SLC24A5: variants seen among roughly 807,000 people sequenced by gnomAD.
SLC24A5 encodes sodium/potassium/calcium exchanger 5.
Under a neutral mutation model 51.6 loss-of-function variants are expected in SLC24A5, and 46 were observed. The observed-to-expected ratio is 0.89, with a 90% CI of 0.70 to 1.14. SLC24A5 has a LOEUF of 1.14. Ranked by LOEUF, SLC24A5 falls within the 50% of genes most tolerant of loss-of-function variation. The probability of loss-of-function intolerance (pLI) is 0.00; values close to 1 mark genes in which losing one functional copy is unlikely to be tolerated. For synonymous variants in SLC24A5, 230 were observed against 214.9 expected, an observed-to-expected ratio of 1.07 and a Z score of -0.62; for missense variants, 581 against 604.1, an observed-to-expected ratio of 0.96 and a Z score of 0.40.
chr15:48,121,208 C>A, intron 1 of SLC24A5, 43 bp downstream of exon 1: 1 of 1,557,398 alleles, frequency 6.4e-7, no homozygotes, highest in Non-Finnish European at 8.7e-7. Flanking sequence ...GCAGCAGCTG[C>A]TGCTGCTGCT....
At position 48,136,710 on chromosome 15, in the gene SLC24A5, A is replaced by T; in HGVS notation, c.618A>T (p.Ile206=). The stretch of plus-strand genomic sequence containing the variant: ...ATGAAGGGGCTTTACTGCTTTTGAT[A>T]TATGGATTGTATGTTTTGGTGCTGT... The part of the protein sequence containing the change: ...YWYEGALLLL[I]YGLYVLVLCF... The change falls in exon 6 of 9, where the codon ATA becomes ATT. Residue 206 remains isoleucine (I), a synonymous_variant. Coordinates refer to ENST00000341459, the MANE Select transcript of SLC24A5 (RefSeq NM_205850.3). 6.2e-7 allele frequency: 1 copy of T among 1,612,304 alleles called. No homozygotes were observed. Among genetic ancestry groups the T allele is most frequent in the Non-Finnish European group, 8.5e-7 (1 of 1,179,084 alleles).
At chr15:48,133,357 A>G (rs571690240) in intron 2 of SLC24A5, among the ~76,000 whole-genome samples, 49 of 152,192 alleles carry the variant, frequency 3.2e-4, no homozygotes, top group Non-Finnish European at 6.3e-4. Context: ...ATGCAAACCT[A>G]TCTCGGCCTA....
intron 5 of SLC24A5, chr15:48,135,431 T>C (rs988462893): frequency 6.5e-6 from 1 of 153,316 alleles, no homozygotes; most frequent in African/African-American, 2.4e-5. Flanking sequence ...CTGATGCTCA[T>C]TCAGGAGAAA....
In SLC24A5 at chr15:48,135,199, T is replaced by TC. The variant is rs2038867228; in HGVS notation, c.590+216dup. On this transcript the variant is annotated intron_variant, in intron 5 of 8. Coordinates refer to ENST00000341459, the MANE Select transcript of SLC24A5 (RefSeq NM_205850.3). ...TTAATCACTTCACAGTCTCCTTTTT[T>TC]CTCTCACTAGTCACTGGAGACCACC... The TC allele has an allele frequency of 7.5e-6, 3 of 400,500 alleles. No individual in the cohort carries two copies. In the South Asian group the frequency reaches 1.2e-4, roughly 16 times the overall value. 24.8% of individuals were successfully genotyped at this position (400,500 alleles called of 1,614,324 possible). A position where few individuals can be genotyped will look rare whatever the true frequency, so the allele number is the denominator to read the frequency against.
In SLC24A5 at chr15:48,134,404, ACT is replaced by A. The variant is rs754846770; in HGVS notation, c.386-30_386-29del. The A allele has an allele frequency of 4.4e-6, 7 of 1,606,956 alleles. No individual in the cohort carries two copies. In the Admixed American group the frequency reaches 1.0e-4, roughly 23 times the overall value. ...TGATTTTTATTTTCTTCAAGTTAAC[ACT>A]AACTTAGCTGGTACTATCTTGCACA... On this transcript the variant is annotated intron_variant, in intron 3 of 8. Coordinates refer to ENST00000341459, the MANE Select transcript of SLC24A5 (RefSeq NM_205850.3).
At chr15:48,138,780 A>C (rs1252553667) in intron 6 of SLC24A5, 189 bp from the exon 7 acceptor site, 4 of 562,452 alleles carry the variant, frequency 7.1e-6, no homozygotes, top group Admixed American at 3.1e-5. Flanking sequence ...CACATCTTAC[A>C]TTGTCTGCCC....
At chr15:48,140,516 C>T (rs540185210) in intron 7 of SLC24A5, 16 of 152,198 alleles carry the variant, frequency 1.1e-4, no homozygotes, top group African/African-American at 3.9e-4. Context: ...GTTGACCTGA[C>T]ATCAAATTTA....
chr15:48,126,236 G>C (rs769315922), intron 2 of SLC24A5, among the ~76,000 whole-genome samples: 19 of 152,088 alleles, frequency 1.2e-4, no homozygotes, highest in Non-Finnish European at 2.2e-4. Context: ...GGAAAAGCTG[G>C]AAAAGCACCT....
chr15:48,121,040 C>A lies in SLC24A5; in HGVS notation c.-5C>A. On this transcript the variant is annotated 5_prime_UTR_variant, in exon 1 of 9. Transcript: ENST00000341459. ...GCTGCACGCTGCAGTAAGAGCACAG[C>A]AGAAATGCAGACAAAAGGGGGCCAA... 1 of 1,613,086 alleles carries A rather than the reference C, an allele frequency of 6.2e-7. No individual in the cohort carries two copies. The highest frequency in any genetic ancestry group is 1.1e-5 in the South Asian group (1 of 90,904).
At position 48,122,026 on chromosome 15, in the gene SLC24A5, C is replaced by T; in HGVS notation, c.291C>T (p.Ile97=). 3 of 1,614,176 alleles carry T rather than the reference C, an allele frequency of 1.9e-6. No individual in the cohort carries two copies. The highest frequency in any genetic ancestry group is 1.7e-4 in the Middle Eastern group (1 of 6,060). The part of the protein sequence containing the change: ...CDEYFLPSLE[I]ISESLGLSQD... ...AATACTTCCTACCCTCCCTGGAAAT[C>T]ATCAGTGAATGTAAGTGGCTGGAAA... The change falls in exon 2 of 9, where the codon ATC becomes ATT. Residue 97 remains isoleucine, a synonymous_variant. Coordinates refer to ENST00000341459, the MANE Select transcript of SLC24A5 (RefSeq NM_205850.3).
chr15:48,130,204 A>G (rs2140718031), intron 2 of SLC24A5, among the ~76,000 whole-genome samples: 1 of 152,268 alleles, frequency 6.6e-6, no homozygotes, highest in South Asian at 2.1e-4. Context: ...TAATAGAGGA[A>G]AAAAAGAATA....
In SLC24A5 at chr15:48,121,158, G is replaced by A. The variant is rs2038675382; in HGVS notation, c.114G>A (p.Arg38=). 6.2e-7 allele frequency: 1 copy of A among 1,612,230 alleles called. No individual in the cohort carries two copies. Among genetic ancestry groups the A allele is most frequent in the Admixed American group, 1.7e-5 (1 of 59,826 alleles). Residue 38 remains arginine, a synonymous_variant, in exon 1 of 9, where the codon AGG becomes AGA. Coordinates refer to ENST00000341459, the MANE Select transcript of SLC24A5 (RefSeq NM_205850.3). ...SGTSLPQRLP[R]ATGNSTQCVI... ...CCTCCCTGCCCCAACGTCTCCCAAG[G>A]GCCACAGGTAGGTGGACATTGGGGT...
chr15:48,132,915 T>A (rs1464258485), intron 2 of SLC24A5, among the ~76,000 whole-genome samples: 1 of 151,062 alleles, frequency 6.6e-6, no homozygotes, highest in Non-Finnish European at 1.5e-5. Flanking sequence ...GATTAAAGGG[T>A]TCTGGAAAAC....
intron 2 of SLC24A5, chr15:48,123,269 T>G (rs1335808042): frequency 6.6e-6 from 1 of 151,914 alleles, no homozygotes; most frequent in Non-Finnish European, 1.5e-5. Flanking sequence ...TAATTGATAT[T>G]TTCTTTAATA....
intron 6 of SLC24A5, 158 bp downstream of exon 6, chr15:48,137,121 A>G (rs866655150): frequency 8.9e-6 from 6 of 677,580 alleles, no homozygotes; most frequent in Non-Finnish European, 1.4e-5. Flanking sequence ...GGAACTTCCA[A>G]TATCACAGGA....
chr15:48,122,135 ACT>A (rs1567219599), intron 2 of SLC24A5, 99 bp downstream of exon 2: 18 of 1,288,490 alleles, frequency 1.4e-5, no homozygotes, highest in Non-Finnish European at 1.9e-5. Context: ...GTACTTCTCA[ACT>A]GGTTGCAGAG....
chr15:48,126,479 C>T (rs769561833), intron 2 of SLC24A5, among the ~76,000 whole-genome samples: 15 of 152,120 alleles, frequency 9.9e-5, no homozygotes, highest in Non-Finnish European at 1.6e-4. Flanking sequence ...GGGCATTTCA[C>T]GTTTGGAGGA....
intron 2 of SLC24A5, among the ~76,000 whole-genome samples, chr15:48,131,672 CTTT>C (rs1006997243): frequency 6.6e-6 from 1 of 151,946 alleles, no homozygotes; most frequent in African/African-American, 2.4e-5. Flanking sequence ...CCAAATAAAC[CTTT>C]TTTTCTTTAT....
chr15:48,127,930 TAA>T (rs2038748794), intron 2 of SLC24A5, among the ~76,000 whole-genome samples: 1 of 151,700 alleles, frequency 6.6e-6, no homozygotes, highest in East Asian at 1.9e-4. Flanking sequence ...TTTTATTGTT[TAA>T]AAAGTCACTT....
Sources: gnomAD v4.1 joint callset for allele counts (sites outside exome capture counted in the v4.1 genomes callset) on GRCh38, gnomAD v4.1.1 for gene constraint, MANE v1.5 for transcripts, NCBI Gene and HGNC (gene_info 2026-07-23, HGNC 2026-07-21) for gene names.